Variants in ASIC2 observed in about 807,000 individuals in gnomAD.
The protein encoded by ASIC2 is acid-sensing ion channel 2.
A neutral mutation model predicts 57.3 loss-of-function variants in ASIC2; 25 were observed. That is an observed-to-expected ratio of 0.44 (90% confidence interval 0.32 to 0.61). The LOEUF is 0.61. ASIC2 is among the 20% of genes least tolerant of loss of function. ASIC2 has a pLI of 0.06. For missense variants in ASIC2, 641 were observed against 738.1 expected, an observed-to-expected ratio of 0.87 and a Z score of 1.52; for synonymous variants, 319 against 307.5, an observed-to-expected ratio of 1.04 and a Z score of -0.39.
intron 1 of ASIC2, among the ~76,000 whole-genome samples, chr17:33,938,024 G>T (rs565848953): frequency 1.3e-5 from 2 of 152,334 alleles, no homozygotes; most frequent in South Asian, 4.1e-4. Flanking sequence ...AAGAATCAGT[G>T]AGAGCCTTTA....
At chr17:33,329,947 C>T (rs1250347147) in intron 1 of ASIC2, among the ~76,000 whole-genome samples, 2 of 152,138 alleles carry the variant, frequency 1.3e-5, no homozygotes, top group African/African-American at 4.8e-5. Flanking sequence ...TGTCCTCTCA[C>T]CCCCTATGGT....
At chr17:33,536,493 C>T (rs1915234022) in intron 1 of ASIC2, among the ~76,000 whole-genome samples, 1 of 152,180 alleles carries the variant, frequency 6.6e-6, no homozygotes, top group Non-Finnish European at 1.5e-5. Flanking sequence ...TCACCCTGCT[C>T]CCAACAGAGC....
intron 1 of ASIC2, among the ~76,000 whole-genome samples, chr17:33,139,485 C>T (rs2092378945): frequency 6.6e-6 from 1 of 152,250 alleles, no homozygotes; most frequent in Non-Finnish European, 1.5e-5. Context: ...GTGGGCAACA[C>T]TGTTTTGGGC....
rs535576066 is a variant in ASIC2 at position 33,689,578 on chromosome 17, A to C, written c.555+466400T>G. Among the ~76,000 whole-genome samples the C allele has an allele frequency of 4.8e-5, 6 of 126,154 alleles. No individual in the cohort carries two copies. In the South Asian group the frequency reaches 1.2e-3, roughly 26 times the overall value. The allele number at this position is 126,154 out of a possible 152,430, so 82.8% of individuals were successfully genotyped here. The stretch of plus-strand genomic sequence containing the variant: ...ACCAATCTGTACCAATTTTCTGTGT[A>C]TCTTTTCTATAGAAATATTAGATTG... On this transcript the variant is annotated intron_variant, in intron 1 of 9. Transcript: ENST00000359872.
intron 1 of ASIC2, among the ~76,000 whole-genome samples, chr17:33,884,374 C>G (rs1914775547): frequency 6.6e-6 from 1 of 152,154 alleles, no homozygotes; most frequent in Non-Finnish European, 1.5e-5. Flanking sequence ...AGTGATAGTT[C>G]CCACTGTTGC....
intron 1 of ASIC2, chr17:34,039,846 G>A: frequency 1.2e-6 from 2 of 1,606,332 alleles, no homozygotes; most frequent in Non-Finnish European, 1.7e-6. Context: ...GCCGTCGTGG[G>A]TCCAGGCTAT....
At chr17:33,269,580 T>C (rs1904362283) in intron 1 of ASIC2, among the ~76,000 whole-genome samples, 2 of 151,662 alleles carry the variant, frequency 1.3e-5, no homozygotes, top group Non-Finnish European at 2.9e-5. Context: ...GTTTTTAAGG[T>C]CTTTCATTGT....
chr17:33,185,843 A>G (rs1165868214), intron 1 of ASIC2, among the ~76,000 whole-genome samples: 1 of 152,202 alleles, frequency 6.6e-6, no homozygotes, highest in Non-Finnish European at 1.5e-5. Context: ...CAGCTTTGTA[A>G]TAAACACTCC....
intron 2 of ASIC2, among the ~76,000 whole-genome samples, chr17:33,095,766 C>T (rs765378234): frequency 2.6e-4 from 40 of 152,184 alleles, no homozygotes; most frequent in Non-Finnish European, 5.4e-4. Context: ...CCTGAAGGGC[C>T]GTGGTTGGCA....
rs1911007233 is a variant in ASIC2, at chr17:34,105,365, C to T, written c.555+50613G>A. ...TTCCTGTTTTTGTTTTTTGGTCTAGCTAGAAGTTTATCAAATGTATTAATC... is the reference window on the plus strand; with the variant it reads ...TTCCTGTTTTTGTTTTTTGGTCTAGTTAGAAGTTTATCAAATGTATTAATC... On this transcript the variant is annotated intron_variant, in intron 1 of 9. Transcript: ENST00000359872. 2.6e-5 allele frequency among the ~76,000 whole-genome samples: 4 copies of T among 151,384 alleles called. No homozygotes were observed. In the South Asian group the frequency reaches 8.3e-4, roughly 31 times the overall value.
intron 1 of ASIC2, among the ~76,000 whole-genome samples, chr17:33,146,943 A>T (rs1207251392): frequency 6.6e-6 from 1 of 152,264 alleles, no homozygotes; most frequent in African/African-American, 2.4e-5. Context: ...GCTAATGTCA[A>T]TCAACGGGTC....
At chr17:33,355,942 G>C (rs1908356380) in intron 1 of ASIC2, among the ~76,000 whole-genome samples, 1 of 152,178 alleles carries the variant, frequency 6.6e-6, no homozygotes. Context: ...TCCCAGAGAA[G>C]GGTAAACGAA....
intron 1 of ASIC2, among the ~76,000 whole-genome samples, chr17:33,266,440 T>A (rs751351915): frequency 2.0e-5 from 3 of 152,220 alleles, no homozygotes; most frequent in Admixed American, 1.3e-4. Flanking sequence ...TCCCAGTTTT[T>A]CATTTGGGTC....
At chr17:33,626,625 C>T (rs143832494) in intron 1 of ASIC2, among the ~76,000 whole-genome samples, 90 of 152,252 alleles carry the variant, frequency 5.9e-4, no homozygotes, top group African/African-American at 1.9e-3. Context: ...ATGCCCTAAT[C>T]GAAGCTGTGT....
intron 1 of ASIC2, among the ~76,000 whole-genome samples, chr17:34,049,938 G>C (rs1043409312): frequency 1.1e-4 from 16 of 152,182 alleles, no homozygotes; most frequent in Admixed American, 1.0e-3. Context: ...TCAACTGTGA[G>C]AGCAGAGTTG....
chr17:34,038,528 C>T, intron 1 of ASIC2: 1 of 1,611,212 alleles, frequency 6.2e-7, no homozygotes, highest in South Asian at 1.1e-5. Flanking sequence ...ACTGAAACCT[C>T]CTCTACCCAA....
At chr17:33,906,215 C>A (rs1000048859) in intron 1 of ASIC2, among the ~76,000 whole-genome samples, 3 of 152,080 alleles carry the variant, frequency 2.0e-5, no homozygotes, top group African/African-American at 7.2e-5. Flanking sequence ...GACCTATGGT[C>A]TTCTCCGGGT....
chr17:33,608,053 G>T (rs1425547185), intron 1 of ASIC2, among the ~76,000 whole-genome samples: 2 of 152,122 alleles, frequency 1.3e-5, no homozygotes, highest in Non-Finnish European at 2.9e-5. Context: ...GAGTCAACAG[G>T]TGGAAGTTAT....
At chr17:33,709,245 G>A (rs888164509) in intron 1 of ASIC2, among the ~76,000 whole-genome samples, 1 of 152,142 alleles carries the variant, frequency 6.6e-6, no homozygotes, top group Non-Finnish European at 1.5e-5. Flanking sequence ...AAGACAAAGT[G>A]TTATATGCCT....
Sources: gnomAD v4.1 joint callset for allele counts (sites outside exome capture counted in the v4.1 genomes callset) on GRCh38, gnomAD v4.1.1 for gene constraint, MANE v1.5 for transcripts, NCBI Gene and HGNC (gene_info 2026-07-23, HGNC 2026-07-21) for gene names.